The following RPTOR variants were observed in gnomAD, a reference collection of about 807,000 sequenced individuals.
RPTOR encodes the protein regulatory associated protein of MTOR complex 1, also known as regulatory-associated protein of mTOR.
Under a neutral mutation model 169.9 loss-of-function variants are expected in RPTOR, and 21 were observed. The observed-to-expected ratio is 0.12, with a 90% CI of 0.09 to 0.18. The LOEUF is 0.18. RPTOR is among the 10% of genes least tolerant of loss of function. The pLI is 1.00. For missense variants in RPTOR, 1,133 were observed against 1,855.9 expected (o/e 0.61, Z 7.16); for synonymous variants, 732 against 753.2 (o/e 0.97, Z 0.46).
chr17:80,876,502 G>A (rs1207352450), intron 13 of RPTOR, among the ~76,000 whole-genome samples: 8 of 28,588 alleles, frequency 2.8e-4, no homozygotes, highest in Non-Finnish European at 1.8e-4. Flanking sequence ...TTCCCACCGA[G>A]CCCGTGCCAC....
rs570545124 is a variant in RPTOR, at chr17:80,693,345, G to A, written c.349-14496G>A. ...CCCCGAGGGCAGAGTTGCTCCCAGC[G>A]GAGATGGTGTTTCTCGGGTTCATTG... is the stretch of plus-strand genomic sequence containing the variant. On this transcript the variant is annotated intron_variant, in intron 3 of 33. Coordinates refer to ENST00000306801, the MANE Select transcript of RPTOR (RefSeq NM_020761.3). 2.6e-4 allele frequency among the ~76,000 whole-genome samples: 39 copies of A among 152,342 alleles called. No homozygotes were observed. In the East Asian group the frequency reaches 6.2e-3, roughly 24 times the overall value.
chr17:80,885,890 A>G (rs2068240497), intron 17 of RPTOR, among the ~76,000 whole-genome samples: 1 of 152,238 alleles, frequency 6.6e-6, no homozygotes, highest in African/African-American at 2.4e-5. Context: ...AGATGTAGAA[A>G]TATCACAGAT....
At chr17:80,638,457 A>C (rs2143581918) in intron 2 of RPTOR, among the ~76,000 whole-genome samples, 1 of 134,476 alleles carries the variant, frequency 7.4e-6, no homozygotes, top group South Asian at 2.3e-4. Context: ...GCTGGAGTGC[A>C]GTGGTGTGAT....
chr17:80,761,432 A>G (rs2066735490), intron 6 of RPTOR, among the ~76,000 whole-genome samples: 1 of 152,194 alleles, frequency 6.6e-6, no homozygotes, highest in Non-Finnish European at 1.5e-5. Context: ...ATTAACGTGT[A>G]TTTGTCAGCG....
intron 10 of RPTOR, among the ~76,000 whole-genome samples, chr17:80,841,334 T>TC (rs2067651705): frequency 9.2e-5 from 3 of 32,468 alleles, no homozygotes; most frequent in East Asian, 1.2e-3. Flanking sequence ...CGGCAGCTCA[T>TC]TCACCGCACG....
intron 3 of RPTOR, among the ~76,000 whole-genome samples, chr17:80,663,478 C>T (rs1478060310): frequency 1.3e-5 from 2 of 152,058 alleles, no homozygotes; most frequent in Non-Finnish European, 1.5e-5. Context: ...GACATGGAAG[C>T]GTAGGCATCA....
At chr17:80,556,142 C>T (rs936257470) in intron 1 of RPTOR, among the ~76,000 whole-genome samples, 3 of 152,036 alleles carry the variant, frequency 2.0e-5, no homozygotes, top group African/African-American at 2.4e-5. Context: ...GCCACACAGC[C>T]ACCGTCAGGG....
intron 13 of RPTOR, among the ~76,000 whole-genome samples, chr17:80,859,068 A>T (rs747495417): frequency 2.0e-5 from 3 of 152,100 alleles, no homozygotes; most frequent in Non-Finnish European, 4.4e-5. Flanking sequence ...CTGGGTTGGG[A>T]GAGGCGACTC....
intron 3 of RPTOR, among the ~76,000 whole-genome samples, chr17:80,690,326 A>AAC (rs752133550): frequency 8.8e-4 from 109 of 124,104 alleles, no homozygotes; most frequent in African/African-American, 2.4e-3. Flanking sequence ...TATGCTTCTA[A>AAC]ACACACACAC....
intron 2 of RPTOR, among the ~76,000 whole-genome samples, chr17:80,630,348 A>G (rs1030894388): frequency 2.0e-5 from 3 of 152,222 alleles, no homozygotes; most frequent in African/African-American, 7.2e-5. Flanking sequence ...TGTTGTTGTA[A>G]TGGTTATACC....
intron 6 of RPTOR, among the ~76,000 whole-genome samples, chr17:80,762,871 GA>G (rs1020257382): frequency 1.3e-5 from 2 of 152,050 alleles, no homozygotes; most frequent in African/African-American, 4.8e-5. Flanking sequence ...TAGAAAAGGA[GA>G]AAAGACAGGC....
At chr17:80,552,988 C>T (rs934334503) in intron 1 of RPTOR, among the ~76,000 whole-genome samples, 1 of 152,204 alleles carries the variant, frequency 6.6e-6, no homozygotes, top group Admixed American at 6.5e-5. Flanking sequence ...TAGACCCTTG[C>T]AGGGATCCAC....
chr17:80,842,648 T>C (rs1055462745), intron 10 of RPTOR, among the ~76,000 whole-genome samples: 10 of 152,258 alleles, frequency 6.6e-5, no homozygotes, highest in Non-Finnish European at 1.2e-4. Flanking sequence ...CGATGGTTAA[T>C]AGAGCATTGT....
In RPTOR at chr17:80,580,157, A is replaced by G. The variant is rs563977765; in HGVS notation, c.162+34366A>G. Among the ~76,000 whole-genome samples the G allele has an allele frequency of 1.5e-3, 225 of 152,330 alleles. 1 individual carries two copies. Among genetic ancestry groups the G allele is most frequent in the African/African-American group, 5.2e-3 (216 of 41,564 alleles). ...CATTATTGGGAATTACCAATAATTT[A>G]ACCACTTTTGTGCTATTAGACATTT... On this transcript the variant is annotated intron_variant, in intron 1 of 33. Coordinates refer to ENST00000306801, the MANE Select transcript of RPTOR (RefSeq NM_020761.3).
intron 6 of RPTOR, among the ~76,000 whole-genome samples, chr17:80,776,427 G>A (rs558740479): frequency 2.0e-5 from 3 of 149,672 alleles, no homozygotes; most frequent in Admixed American, 6.8e-5. Context: ...GGATTCAAGC[G>A]ATTCTCCTGC....
chr17:80,702,456 G>A (rs899925767), intron 3 of RPTOR, among the ~76,000 whole-genome samples: 5 of 152,096 alleles, frequency 3.3e-5, no homozygotes, highest in African/African-American at 9.7e-5. Flanking sequence ...AGATGCTCCC[G>A]TGCCTCTCCT....
intron 21 of RPTOR, among the ~76,000 whole-genome samples, chr17:80,910,636 G>A (rs906647620): frequency 3.9e-5 from 6 of 152,202 alleles, no homozygotes; most frequent in African/African-American, 1.2e-4. Context: ...TTTTCCAAAT[G>A]AGCTATCGAG....
At position 80,746,187 on chromosome 17, in the gene RPTOR, C is replaced by T. The variant is rs1465743453; in HGVS notation, c.655-7823C>T. 6.7e-6 allele frequency among the ~76,000 whole-genome samples: 1 copy of T among 148,548 alleles called. No individual in the cohort carries two copies. Among genetic ancestry groups the T allele is most frequent in the African/African-American group, 2.5e-5 (1 of 40,766 alleles). On this transcript the variant is annotated intron_variant, in intron 5 of 33. Transcript: ENST00000306801. This position sits in a 1 kb window ranked among gnomAD's most constrained non-coding sequence, Gnocchi z 4.5. ...CAAAAAAAAAAAAAAAAGTGCAGTG[C>T]AGGTGATCCCCACCGCCCCCACAGC...
intron 1 of RPTOR, among the ~76,000 whole-genome samples, chr17:80,550,803 T>C (rs758343385): frequency 1.3e-5 from 2 of 152,228 alleles, no homozygotes; most frequent in Non-Finnish European, 2.9e-5. Flanking sequence ...CCACCGTCTC[T>C]TGTCTGGACA....
Sources: allele counts gnomAD v4.1 joint callset (sites outside exome capture counted in the v4.1 genomes callset), GRCh38; gene constraint gnomAD v4.1.1; non-coding constraint Gnocchi (gnomAD v3.1); transcripts MANE v1.5; gene names NCBI Gene and HGNC (gene_info 2026-07-23, HGNC 2026-07-21).